The following CENPT variants were observed in gnomAD, a reference collection of about 807,000 sequenced individuals.
CENPT encodes the protein centromere protein T, also known as interphase centromere complex protein 22.
CENPT carries 42 observed loss-of-function variants against 59.7 expected under a neutral mutation model. That is an observed-to-expected ratio of 0.70 (90% CI 0.55 to 0.91). The LOEUF is 0.91. CENPT is among the 40% of genes least tolerant of loss of function. The pLI is 0.00. For synonymous variants in CENPT, 295 were observed against 289.6 expected (o/e 1.02, Z -0.19); for missense variants, 716 against 713.4 (o/e 1.00, Z -0.04).
At chr16:67,844,782 A>AT (rs61398471) in intron 1 of CENPT, among the ~76,000 whole-genome samples, 2,082 of 142,312 alleles carry the variant, frequency 0.015, 36 homozygotes, top group East Asian at 0.017. Context: ...GCCTGCCTCT[A>AT]TTTTTTTTTT....
Position 67,828,820 on chromosome 16 carries a change from G to C in CENPT, c.1304C>G (p.Pro435Arg). Residue 435 changes from proline to arginine, a missense_variant, in exon 14 of 16, where the codon CCT (proline) becomes CGT (arginine). Coordinates refer to ENST00000562787, the MANE Select transcript of CENPT (RefSeq NM_025082.4). ...AAVLSSEPAE[P>R]LLVRHPPRPR... The stretch of plus-strand genomic sequence containing the variant: ...CCTAGGGGGATGCCTGACCAACAGA[G>C]GCTCTGCAGGCTCTGAAGATAAGCT... 6.3e-7 allele frequency: 1 copy of C among 1,584,748 alleles called. No individual in the cohort carries two copies. Among genetic ancestry groups the C allele is most frequent in the Non-Finnish European group, 8.5e-7 (1 of 1,172,452 alleles).
intron 1 of CENPT, among the ~76,000 whole-genome samples, chr16:67,839,985 C>G (rs868443330): frequency 1.3e-5 from 2 of 152,070 alleles, no homozygotes; most frequent in Non-Finnish European, 2.9e-5. Flanking sequence ...TACACCGGCC[C>G]CATTTTGTTT....
chr16:67,833,738 C>T lies in CENPT; in HGVS notation c.110+12G>A. 1 of 1,487,092 alleles carries T rather than the reference C, an allele frequency of 6.7e-7. No homozygotes were observed. The highest frequency in any genetic ancestry group is 9.0e-7 in the Non-Finnish European group (1 of 1,112,252). 92.1% of individuals were successfully genotyped at this position (1,487,092 alleles called of 1,614,324 possible). ...CTAGTTGCTCAAGTACTCGGGGAGC[C>T]CCCTCACATACCCAGCCCGAGCACT... On this transcript the variant is annotated intron_variant, in intron 4 of 15. Coordinates refer to ENST00000562787, the MANE Select transcript of CENPT (RefSeq NM_025082.4).
In CENPT at chr16:67,843,632, TG is replaced by T; in HGVS notation, c.-492+3768del. ...GCTTAAGGCAGCTGGACTCTCTTGC[TG>T]GTGACCTGGCATCCTCAATTGTTTC... On this transcript the variant is annotated intron_variant, in intron 1 of 15. Coordinates refer to ENST00000562787, the MANE Select transcript of CENPT (RefSeq NM_025082.4). The surrounding 1 kb of genome is among the most constrained non-coding windows in gnomAD (Gnocchi z 5.7). 1 of 890,416 alleles carries T rather than the reference TG, an allele frequency of 1.1e-6. No individual in the cohort carries two copies. The highest frequency in any genetic ancestry group is 2.7e-5 in the East Asian group (1 of 36,498). The allele number at this position is 890,416 out of a possible 1,614,324, so 55.2% of individuals were successfully genotyped here.
chr16:67,844,412 C>T (rs573149819), intron 1 of CENPT, among the ~76,000 whole-genome samples: 6 of 152,296 alleles, frequency 3.9e-5, no homozygotes, highest in African/African-American at 1.4e-4. Context: ...AGTTTGGAAA[C>T]TGCACCAAAT....
chr16:67,832,833 G>A (rs1187166788), intron 4 of CENPT, among the ~76,000 whole-genome samples: 1 of 152,186 alleles, frequency 6.6e-6, no homozygotes, highest in African/African-American at 2.4e-5. Context: ...CAAAGGATAA[G>A]TAGGGGTTAG....
Position 67,842,470 on chromosome 16 carries a change from G to C in CENPT, c.-492+4931C>G. The C allele has an allele frequency of 1.8e-6, 2 of 1,131,670 alleles. No homozygotes were observed. Among genetic ancestry groups the C allele is most frequent in the Non-Finnish European group, 1.1e-6 (1 of 894,440 alleles). 70.1% of individuals were successfully genotyped at this position (1,131,670 alleles called of 1,614,324 possible). A position where few individuals can be genotyped will look rare whatever the true frequency, so the allele number is the denominator to read the frequency against. The stretch of plus-strand genomic sequence containing the variant: ...CCCAAGGCCTCGCGCGGCGCCGCCC[G>C]TCGAGGGGCGGGCGGCGGCGTAGCC... On this transcript the variant is annotated intron_variant, in intron 1 of 15. Coordinates refer to ENST00000562787, the MANE Select transcript of CENPT (RefSeq NM_025082.4). This position sits in a 1 kb window ranked among gnomAD's most constrained non-coding sequence, Gnocchi z 4.9.
chr16:67,846,027 G>C (rs1056379186), intron 1 of CENPT, among the ~76,000 whole-genome samples: 5 of 152,212 alleles, frequency 3.3e-5, no homozygotes, highest in Non-Finnish European at 5.9e-5. Flanking sequence ...GGTACCCCAA[G>C]TTGGCTGCAG....
Position 67,843,704 on chromosome 16 carries a change from C to T in CENPT, c.-492+3697G>A. On this transcript the variant is annotated intron_variant, in intron 1 of 15. Coordinates refer to ENST00000562787, the MANE Select transcript of CENPT (RefSeq NM_025082.4). This position sits in a 1 kb window ranked among gnomAD's most constrained non-coding sequence, Gnocchi z 5.7. ...GCCTTAGACTCTGCCCTGGTGACAC[C>T]AGCAATTATGACTTTGTCTACCCTT... The T allele has an allele frequency of 3.7e-6, 2 of 539,528 alleles. No individual in the cohort carries two copies. The highest frequency in any genetic ancestry group is 3.3e-6 in the Non-Finnish European group (1 of 300,094). The allele number at this position is 539,528 out of a possible 1,614,324, so 33.4% of individuals were successfully genotyped here. A position where few individuals can be genotyped will look rare whatever the true frequency, so the allele number is the denominator to read the frequency against.
At position 67,831,700 on chromosome 16, in the gene CENPT, C is replaced by T. The variant is rs2057690486; in HGVS notation, c.523+54G>A. The stretch of plus-strand genomic sequence containing the variant: ...AGGGCCCTCTCTCAGGACTCCTCAG[C>T]CTCTCCAGAGGACAGGAGGGAGAGG... On this transcript the variant is annotated intron_variant, in intron 8 of 15. Coordinates refer to ENST00000562787, the MANE Select transcript of CENPT (RefSeq NM_025082.4). 1.6e-5 allele frequency: 25 copies of T among 1,600,362 alleles called. No individual in the cohort carries two copies. In the South Asian group the frequency reaches 2.6e-4, roughly 17 times the overall value.
chr16:67,832,725 G>A (rs888177702), intron 4 of CENPT, among the ~76,000 whole-genome samples, 180 bp from the exon 5 acceptor site: 2 of 152,090 alleles, frequency 1.3e-5, no homozygotes, highest in African/African-American at 2.4e-5. Flanking sequence ...AGTGTGGACC[G>A]AAGAAGACCC....
chr16:67,829,904 T>A lies in CENPT; in HGVS notation c.1047A>T (p.Ala349=), dbSNP rs2057666870. 1 of 1,614,142 alleles carries A rather than the reference T, an allele frequency of 6.2e-7. No individual in the cohort carries two copies. Among genetic ancestry groups the A allele is most frequent in the African/African-American group, 1.3e-5 (1 of 74,948 alleles). ...EEGVSVSEME[A]TGAQGPSRVE... ...CCCTGCTGGGTCCTTGTGCTCCTGT[T>A]GCCTCCATTTCACTCACACTCACAC... The change falls in exon 12 of 16, where the codon GCA becomes GCT. Residue 349 remains alanine (A), a synonymous_variant. Coordinates refer to ENST00000562787, the MANE Select transcript of CENPT (RefSeq NM_025082.4).
At position 67,832,091 on chromosome 16, in the gene CENPT, G is replaced by A. The variant is rs1346635576; in HGVS notation, c.307C>T (p.Leu103=). The part of the protein sequence containing the change: ...ILLTAPESSI[L]MPESVVKPVP... ...GGCTTCACTACCGACTCAGGCATCA[G>A]GATGGAAGATTCTGGGGCTGCAGAA... Residue 103 remains leucine (L), a synonymous_variant, in exon 7 of 16, where the codon CTG becomes TTG. Coordinates refer to ENST00000562787, the MANE Select transcript of CENPT (RefSeq NM_025082.4). The A allele has an allele frequency of 6.2e-7, 1 of 1,612,250 alleles. No homozygotes were observed. Among genetic ancestry groups the A allele is most frequent in the East Asian group, 2.2e-5 (1 of 44,806 alleles).
At chr16:67,845,853 CAG>C (rs1567375816) in intron 1 of CENPT, among the ~76,000 whole-genome samples, 1 of 152,206 alleles carries the variant, frequency 6.6e-6, no homozygotes, top group Non-Finnish European at 1.5e-5. Flanking sequence ...ATTTAAAAAA[CAG>C]AAGTGTGGTC....
In CENPT at chr16:67,832,315, A is replaced by G. The variant is rs2057700531; in HGVS notation, c.202T>C (p.Ser68Pro). 1 of 1,614,052 alleles carries G rather than the reference A, an allele frequency of 6.2e-7. No homozygotes were observed. The highest frequency in any genetic ancestry group is 8.5e-7 in the Non-Finnish European group (1 of 1,179,962). The change falls in exon 6 of 16, where the codon TCT becomes CCT. Residue 68 changes from serine (S) to proline (P), a missense_variant and splice_region_variant. Physicochemically the swap from Ser to Pro is moderately conservative, Grantham distance 74. Coordinates refer to ENST00000562787, the MANE Select transcript of CENPT (RefSeq NM_025082.4). ...IARGRSHGARSVGRSAHIQAS... is the reference protein window; with the variant it reads ...IARGRSHGARPVGRSAHIQAS... ...TGAATATGGGCCGATCTGCCAACAGACTATCGGCAAAGCACCAAGCAACCA... is the reference window on the plus strand; with the variant it reads ...TGAATATGGGCCGATCTGCCAACAGGCTATCGGCAAAGCACCAAGCAACCA...
rs779684299 is a variant in CENPT, at chr16:67,832,486, G to C, written c.170C>G (p.Thr57Arg). 5.1e-5 allele frequency: 83 copies of C among 1,614,030 alleles called. No individual in the cohort carries two copies. Among genetic ancestry groups the C allele is most frequent in the Non-Finnish European group, 6.9e-5 (81 of 1,180,042 alleles). Residue 57 changes from threonine (T) to arginine (R), a missense_variant, in exon 5 of 16, where the codon ACG (threonine) becomes AGG (arginine). Thr to Arg is a moderately conservative substitution (Grantham distance 71, BLOSUM62 -1). Coordinates refer to ENST00000562787, the MANE Select transcript of CENPT (RefSeq NM_025082.4). Reference sequence around the variant, plus strand: ...TCCATGGGAACGCCCTCTGGCTATCGTCCTTGTTTGGCCACTCAACTTCCT... The same window carrying C: ...TCCATGGGAACGCCCTCTGGCTATCCTCCTTGTTTGGCCACTCAACTTCCT... ...SPRKLSGQTR[T>R]IARGRSHGAR... is the part of the protein sequence containing the mutation.
chr16:67,841,139 G>A (rs1235572268), intron 1 of CENPT, among the ~76,000 whole-genome samples: 11 of 115,836 alleles, frequency 9.5e-5, no homozygotes, highest in Non-Finnish European at 1.0e-4. Context: ...AGGTTGCGGT[G>A]AGCCGAGATC....
intron 1 of CENPT, among the ~76,000 whole-genome samples, chr16:67,841,253 G>A (rs2151288829): frequency 6.7e-6 from 1 of 149,426 alleles, no homozygotes; most frequent in East Asian, 1.9e-4. Context: ...GTGGGGGGAG[G>A]TGTATTGTTA....
rs779201042 is a variant in CENPT, at chr16:67,843,265, C to T, written c.-492+4136G>A. 8.7e-6 allele frequency: 14 copies of T among 1,613,182 alleles called. No homozygotes were observed. The highest frequency in any genetic ancestry group is 1.2e-5 in the Non-Finnish European group (14 of 1,179,808). On this transcript the variant is annotated intron_variant, in intron 1 of 15. Coordinates refer to ENST00000562787, the MANE Select transcript of CENPT (RefSeq NM_025082.4). This position sits in a 1 kb window ranked among gnomAD's most constrained non-coding sequence, Gnocchi z 5.7. ...TGGTGGTGGTAGGGGAAGAGGGCTT[C>T]CCTGATACTGGCTCCGACCATTCGT...
Sources: gnomAD v4.1 joint callset for allele counts (sites outside exome capture counted in the v4.1 genomes callset) on GRCh38, gnomAD v4.1.1 for gene constraint, Gnocchi (gnomAD v3.1) non-coding constraint, MANE v1.5 for transcripts, NCBI Gene and HGNC (gene_info 2026-07-23, HGNC 2026-07-21) for gene names.